DIP2C: variants seen among roughly 807,000 people sequenced by gnomAD.
DIP2C encodes the protein DIP2 acetate--CoA ligase C (putative), also known as disco-interacting protein 2 homolog C.
Under a neutral mutation model 192.4 loss-of-function variants are expected in DIP2C, and 33 were observed. The observed-to-expected ratio is 0.17, with a 90% CI of 0.13 to 0.23. The LOEUF (loss-of-function observed/expected upper bound fraction) is 0.23. Among genes scored for constraint, DIP2C ranks in the 10% least tolerant of loss-of-function variants. The probability of loss-of-function intolerance (pLI) is 1.00; values close to 1 mark genes in which losing one functional copy is unlikely to be tolerated. For missense variants in DIP2C, 1,537 were observed against 2,110.1 expected (o/e 0.73, Z 5.32); for synonymous variants, 979 against 864.1 (o/e 1.13, Z -2.33).
At chr10:622,020 C>T (rs952365334) in intron 1 of DIP2C, among the ~76,000 whole-genome samples, 1 of 151,294 alleles carries the variant, frequency 6.6e-6, no homozygotes, top group South Asian at 2.1e-4. Context: ...CAAAGTAAGT[C>T]CAATAAATAC....
chr10:330,297 T>C (rs773951563), intron 29 of DIP2C, among the ~76,000 whole-genome samples: 6 of 152,180 alleles, frequency 3.9e-5, no homozygotes, highest in Non-Finnish European at 5.9e-5. Flanking sequence ...TAACGATTCT[T>C]TAATTTTACC....
intron 1 of DIP2C, among the ~76,000 whole-genome samples, chr10:683,378 A>T (rs183936306): frequency 7.9e-5 from 12 of 152,340 alleles, no homozygotes; most frequent in African/African-American, 2.9e-4. Context: ...CAACAAATGG[A>T]TGCAATTACT....
chr10:580,387 C>A (rs1345237316), intron 1 of DIP2C, among the ~76,000 whole-genome samples: 1 of 152,098 alleles, frequency 6.6e-6, no homozygotes, highest in African/African-American at 2.4e-5. Flanking sequence ...TATATAAGTA[C>A]ACAAATGTGC....
chr10:531,848 C>T (rs926502756), intron 1 of DIP2C, among the ~76,000 whole-genome samples: 7 of 152,366 alleles, frequency 4.6e-5, no homozygotes, highest in South Asian at 2.1e-4. Flanking sequence ...ATGCAGGCAA[C>T]GCTTGCAACT....
rs778817035 is a variant in DIP2C, at chr10:329,586, G to A, written c.3600C>T (p.His1200=). Residue 1200 remains histidine, a synonymous_variant, in exon 30 of 37, where the codon CAC becomes CAT. Transcript: ENST00000280886. ...LWCLCSVYSG[H]QSILIPPSEL... ...CAGAGGGCGGGATCAGGATGGACTG[G>A]TGCCCAGAATACACACTGCAGAGAA... 9 of 1,614,126 alleles carry A rather than the reference G, an allele frequency of 5.6e-6. No homozygotes were observed. The South Asian group carries it at 9.9e-5, about 18-fold the overall frequency.
chr10:620,007 A>G (rs1853756700), intron 1 of DIP2C, among the ~76,000 whole-genome samples: 1 of 152,184 alleles, frequency 6.6e-6, no homozygotes, highest in African/African-American at 2.4e-5. Context: ...CAAGACACCC[A>G]ATCAGATGCA....
Position 399,130 on chromosome 10 carries a change from G to A in DIP2C, c.1239C>T (p.Ile413=), listed in dbSNP as rs746569472. The A allele has an allele frequency of 9.3e-6, 15 of 1,613,798 alleles. No individual in the cohort carries two copies. The highest frequency in any genetic ancestry group is 6.7e-5 in the African/African-American group (5 of 75,040). The change falls in exon 10 of 37, where the codon ATC becomes ATT. Residue 413 remains isoleucine (I), a synonymous_variant. Coordinates refer to ENST00000280886, the MANE Select transcript of DIP2C (RefSeq NM_014974.3). ...TTACCTTCCTGGTGAGCGGCACCTC[G>A]ATGGGCACGGGGACCACCTCGGCCA... is the stretch of plus-strand genomic sequence containing the variant. ...CLLAEVVPVP[I]EVPLTRKDAG... is the part of the protein sequence containing the mutation.
At position 617,692 on chromosome 10, in the gene DIP2C, C is replaced by G. The variant is rs372651775; in HGVS notation, c.85+71802G>C. ...CCACCCCTGCTTGGGGCGTCTTCCA[C>G]TTGCGGTTCCGAAGGAGGCTGAGAA... is the stretch of plus-strand genomic sequence containing the variant. On this transcript the variant is annotated intron_variant, in intron 1 of 36. Transcript: ENST00000280886. Among the ~76,000 whole-genome samples the G allele has an allele frequency of 2.0e-5, 3 of 149,978 alleles. No individual in the cohort carries two copies. In the South Asian group the frequency reaches 6.5e-4, roughly 33 times the overall value.
At chr10:688,300 T>A (rs955501671) in intron 1 of DIP2C, among the ~76,000 whole-genome samples, 2 of 152,014 alleles carry the variant, frequency 1.3e-5, no homozygotes, top group African/African-American at 4.8e-5. Flanking sequence ...GAACCCCACA[T>A]CTGAAACTGA....
chr10:489,136 C>T (rs1467359904), intron 1 of DIP2C, among the ~76,000 whole-genome samples: 2 of 152,198 alleles, frequency 1.3e-5, no homozygotes, highest in Non-Finnish European at 2.9e-5. Context: ...CAGGCTCACT[C>T]AGGCCCCAAA....
chr10:618,455 A>C (rs1398905921), intron 1 of DIP2C, among the ~76,000 whole-genome samples: 1 of 152,218 alleles, frequency 6.6e-6, no homozygotes, highest in Non-Finnish European at 1.5e-5. Flanking sequence ...CATTTCTCAA[A>C]TGCACAGCTG....
intron 1 of DIP2C, chr10:665,691 A>G (rs1857046870): frequency 6.6e-6 from 1 of 152,304 alleles, no homozygotes; most frequent in African/African-American, 2.4e-5. Flanking sequence ...ACGCGAAACC[A>G]CAGCGCCAGA....
chr10:289,208 G>C (rs1237055368), intron 32 of DIP2C, among the ~76,000 whole-genome samples: 5 of 150,968 alleles, frequency 3.3e-5, no homozygotes, highest in Admixed American at 6.6e-5. Flanking sequence ...CCCACCTGGG[G>C]ACAGGGTGCG....
chr10:281,086 G>GCACC, intron 36 of DIP2C, 114 bp downstream of exon 36: 2 of 1,420,014 alleles, frequency 1.4e-6, no homozygotes, highest in Non-Finnish European at 9.6e-7. Context: ...ATGTTGAATC[G>GCACC]CACCCCCTTC....
In DIP2C at chr10:488,754, G is replaced by A. The variant is rs139350494; in HGVS notation, c.86-2224C>T. ...GCATAAATCACACGCTGTAGCTTGC[G>A]TGATGTCGTGGATGACTGTTCATGG... On this transcript the variant is annotated intron_variant, in intron 1 of 36. Transcript: ENST00000280886. Among the ~76,000 whole-genome samples, 374 of 152,316 alleles carry A rather than the reference G, an allele frequency of 2.5e-3. 1 individual carries two copies. The highest frequency in any genetic ancestry group is 8.4e-3 in the African/African-American group (349 of 41,564).
chr10:468,703 C>T (rs1213325906), intron 3 of DIP2C, among the ~76,000 whole-genome samples: 2 of 152,008 alleles, frequency 1.3e-5, no homozygotes, highest in Non-Finnish European at 2.9e-5. Flanking sequence ...GAGTTTGTGG[C>T]GTGACCTGTG....
At chr10:426,944 ATG>A (rs76853964) in intron 4 of DIP2C, among the ~76,000 whole-genome samples, 6,055 of 152,320 alleles carry the variant, frequency 0.04, 190 homozygotes, top group African/African-American at 0.077. Flanking sequence ...CAGTAAGACT[ATG>A]AGACTTCTAA....
At chr10:528,000 T>C (rs1847157388) in intron 1 of DIP2C, among the ~76,000 whole-genome samples, 1 of 152,146 alleles carries the variant, frequency 6.6e-6, no homozygotes, top group Non-Finnish European at 1.5e-5. Context: ...CCCGCCAGCA[T>C]GGCAATCACC....
intron 1 of DIP2C, among the ~76,000 whole-genome samples, chr10:489,672 G>A (rs995011158): frequency 7.0e-6 from 1 of 143,792 alleles, no homozygotes; most frequent in African/African-American, 2.6e-5. Context: ...GGTGCCCGGG[G>A]CTTCCTCCAC....
Sources: allele counts gnomAD v4.1 joint callset (sites outside exome capture counted in the v4.1 genomes callset), GRCh38; gene constraint gnomAD v4.1.1; transcripts MANE v1.5; gene names NCBI Gene and HGNC (gene_info 2026-07-23, HGNC 2026-07-21).